GALK2: variants seen among roughly 807,000 people sequenced by gnomAD.
GALK2 encodes the protein N-acetylgalactosamine kinase.
GALK2 carries 36 observed loss-of-function variants against 52.4 expected under a neutral mutation model. The observed-to-expected ratio is 0.69, with a 90% confidence interval of 0.53 to 0.91. The LOEUF is 0.91. Among genes scored for constraint, GALK2 ranks in the 40% least tolerant of loss-of-function variants. The probability of loss-of-function intolerance (pLI) is 0.00; values close to 1 mark genes in which losing one functional copy is unlikely to be tolerated. For synonymous variants in GALK2, 176 were observed against 199.1 expected, an observed-to-expected ratio of 0.88 and a Z score of 0.98; for missense variants, 579 against 559.1, an observed-to-expected ratio of 1.04 and a Z score of -0.36.
intron 2 of GALK2, among the ~76,000 whole-genome samples, chr15:49,213,083 T>C (rs1473293511): frequency 2.0e-5 from 3 of 152,180 alleles, no homozygotes; most frequent in African/African-American, 7.2e-5. Flanking sequence ...GGGCTGAAAG[T>C]GAGGTTTTGA....
chr15:49,277,173 T>TAG, intron 5 of GALK2, among the ~76,000 whole-genome samples: 1 of 23,166 alleles, frequency 4.3e-5, no homozygotes, highest in African/African-American at 1.5e-4. Flanking sequence ...TTTTTTTTTT[T>TAG]TTTTTTTTTT....
At chr15:49,354,858 G>C (rs1353838823) in intron 3 of GALK2, among the ~76,000 whole-genome samples, 1 of 151,924 alleles carries the variant, frequency 6.6e-6, no homozygotes, top group Non-Finnish European at 1.5e-5. Context: ...GCTTTGAAGA[G>C]AGCAGTGGTT....
chr15:49,296,766 A>AT (rs1196917026), intron 8 of GALK2, among the ~76,000 whole-genome samples: 2 of 151,814 alleles, frequency 1.3e-5, no homozygotes, highest in Non-Finnish European at 1.5e-5. Flanking sequence ...CGCCCAGCTA[A>AT]TTTTTTGTAT....
chr15:49,186,955 T>G (rs2086395556), intron 1 of GALK2, among the ~76,000 whole-genome samples: 1 of 152,194 alleles, frequency 6.6e-6, no homozygotes, highest in Non-Finnish European at 1.5e-5. Context: ...GTTGATTTGG[T>G]GATGTCATAT....
intron 3 of GALK2, among the ~76,000 whole-genome samples, chr15:49,218,978 G>A (rs542234491): frequency 3.3e-5 from 5 of 152,178 alleles, no homozygotes; most frequent in South Asian, 4.2e-4. Flanking sequence ...GGCACATGCC[G>A]TCACACCTGG....
chr15:49,204,042 G>A (rs1329925246), intron 2 of GALK2, among the ~76,000 whole-genome samples: 1 of 151,124 alleles, frequency 6.6e-6, no homozygotes, highest in Non-Finnish European at 1.5e-5. Context: ...TTGAATCTGG[G>A]AGGCGGAGGC....
chr15:49,273,142 C>T lies in GALK2; in HGVS notation c.505-8845C>T, dbSNP rs569665031. Among the ~76,000 whole-genome samples, 31 of 152,212 alleles carry T rather than the reference C, an allele frequency of 2.0e-4. 1 individual carries two copies. Among genetic ancestry groups the T allele is most frequent in the African/African-American group, 5.8e-4 (24 of 41,530 alleles). On this transcript the variant is annotated intron_variant, in intron 5 of 9. Transcript: ENST00000560031. ...CCCATTGAGCTTTTATAGGAACATA[C>T]GAATATCCAGCCCTAAGAACTAAAA...
rs1347140534 is a variant in GALK2, at chr15:49,299,735, T to TTTCTTTCTTTCTTTCTTTCTTTCTTTCC, written c.967+7200_967+7201insCTTTCTTTCTTTCTTTCTTTCTTTCCTT. On this transcript the variant is annotated intron_variant, in intron 8 of 9. Coordinates refer to ENST00000560031, the MANE Select transcript of GALK2 (RefSeq NM_002044.4). ...CTTTCTTTCTTTCTTTCTTTCTTTCTTTTCTTTCTTTCTTTCTTTCTTTCT... is the reference window on the plus strand; with the variant it reads ...CTTTCTTTCTTTCTTTCTTTCTTTCTTTCTTTCTTTCTTTCTTTCTTTCTTTCCTTTCTTTCTTTCTTTCTTTCTTTCT... 1.9e-3 allele frequency among the ~76,000 whole-genome samples: 144 copies of TTTCTTTCTTTCTTTCTTTCTTTCTTTCC among 77,572 alleles called. 4 individuals are homozygous for TTTCTTTCTTTCTTTCTTTCTTTCTTTCC. Among genetic ancestry groups the TTTCTTTCTTTCTTTCTTTCTTTCTTTCC allele is most frequent in the African/African-American group, 7.3e-3 (132 of 18,054 alleles). The allele number at this position is 77,572 out of a possible 152,430, so 50.9% of individuals were successfully genotyped here.
intron 9 of GALK2, among the ~76,000 whole-genome samples, chr15:49,325,727 A>G (rs1038254226): frequency 7.2e-5 from 11 of 152,194 alleles, no homozygotes; most frequent in Non-Finnish European, 1.3e-4. Flanking sequence ...TATTTGGGAA[A>G]TTTGAGCCCT....
chr15:49,289,360 G>A (rs1412347665), intron 7 of GALK2, among the ~76,000 whole-genome samples: 1 of 152,198 alleles, frequency 6.6e-6, no homozygotes, highest in Admixed American at 6.5e-5. Context: ...CCATTGATAG[G>A]TTTTGAGAAG....
At chr15:49,185,314 CTT>C (rs1016494433) in intron 1 of GALK2, among the ~76,000 whole-genome samples, 2 of 152,124 alleles carry the variant, frequency 1.3e-5, no homozygotes, top group Admixed American at 6.5e-5. Flanking sequence ...TGGTATTACT[CTT>C]TTTTATGGCT....
chr15:49,320,107 T>A (rs2036762526), intron 9 of GALK2, among the ~76,000 whole-genome samples: 1 of 152,156 alleles, frequency 6.6e-6, no homozygotes, highest in African/African-American at 2.4e-5. Flanking sequence ...GATGGTAACT[T>A]TGCTCAGAGC....
intron 1 of GALK2, among the ~76,000 whole-genome samples, chr15:49,174,178 T>C (rs2085287132): frequency 6.6e-6 from 1 of 152,196 alleles, no homozygotes; most frequent in Admixed American, 6.5e-5. Flanking sequence ...CATATACATA[T>C]GTACATATAT....
At chr15:49,282,121 T>C (rs1184925506) in intron 6 of GALK2, 36 bp downstream of exon 6, 3 of 1,502,566 alleles carry the variant, frequency 2.0e-6, no homozygotes, top group Admixed American at 1.7e-5. Flanking sequence ...ATTCAGAAAT[T>C]CCTAGTGGGA....
At chr15:49,194,915 G>A (rs2087081709) in intron 1 of GALK2, among the ~76,000 whole-genome samples, 1 of 151,934 alleles carries the variant, frequency 6.6e-6, no homozygotes, top group Non-Finnish European at 1.5e-5. Flanking sequence ...TTTTCGTAAG[G>A]TCTTTTTAGC....
At chr15:49,274,137 C>G (rs897364168) in intron 5 of GALK2, among the ~76,000 whole-genome samples, 1 of 152,176 alleles carries the variant, frequency 6.6e-6, no homozygotes, top group African/African-American at 2.4e-5. Flanking sequence ...CACAATTATG[C>G]ATTGCTTAAC....
chr15:49,274,293 C>A (rs1441666046), intron 5 of GALK2, among the ~76,000 whole-genome samples: 1 of 152,052 alleles, frequency 6.6e-6, no homozygotes, highest in African/African-American at 2.4e-5. Context: ...GGCTATAGAA[C>A]CAGTACAGCA....
At chr15:49,227,273 C>T (rs1279920705) in intron 3 of GALK2, among the ~76,000 whole-genome samples, 1 of 152,096 alleles carries the variant, frequency 6.6e-6, no homozygotes. Flanking sequence ...TCCCTTTAGT[C>T]ATAATAATAT....
At chr15:49,282,420 T>A (rs2032831522) in intron 6 of GALK2, among the ~76,000 whole-genome samples, 1 of 152,112 alleles carries the variant, frequency 6.6e-6, no homozygotes, top group Non-Finnish European at 1.5e-5. Flanking sequence ...CCTGCTCCTA[T>A]CCTAAATCAC....
Sources: gnomAD v4.1 joint callset for allele counts (sites outside exome capture counted in the v4.1 genomes callset) on GRCh38, gnomAD v4.1.1 for gene constraint, MANE v1.5 for transcripts, NCBI Gene and HGNC (gene_info 2026-07-23, HGNC 2026-07-21) for gene names.